The following RNF19B variants were observed in gnomAD, a reference collection of about 807,000 sequenced individuals.
RNF19B encodes E3 ubiquitin-protein ligase RNF19B.
In RNF19B, 23 loss-of-function variants were observed where a neutral mutation model predicts 65.5. The observed-to-expected ratio is 0.35, with a 90% CI of 0.25 to 0.50. RNF19B has a LOEUF of 0.50. RNF19B is among the 20% of genes least tolerant of loss of function. RNF19B has a pLI of 0.98. For synonymous variants in RNF19B, 372 were observed against 379.6 expected (o/e 0.98, Z 0.23); for missense variants, 794 against 980.0 (o/e 0.81, Z 2.53).
intron 7 of RNF19B, 67 bp from the exon 8 acceptor site, chr1:32,938,595 C>T: frequency 6.6e-7 from 1 of 1,508,632 alleles, no homozygotes; most frequent in Non-Finnish European, 9.1e-7. Context: ...TGCTTCCTGG[C>T]ACACATCTCT....
chr1:32,942,106 A>C, intron 7 of RNF19B, 146 bp downstream of exon 7: 1 of 753,052 alleles, frequency 1.3e-6, no homozygotes, highest in Non-Finnish European at 2.1e-6. Context: ...TTAAAAATAA[A>C]AAAGTAAAAA....
chr1:32,964,416 CGCCTCGGCCTCG>C lies in RNF19B; in HGVS notation c.258_269del (p.Glu89_Ala92del). 8.1e-7 allele frequency: 1 copy of C among 1,235,742 alleles called. No homozygotes were observed. 76.5% of individuals were successfully genotyped at this position (1,235,742 alleles called of 1,614,324 possible). On this transcript the variant is annotated inframe_deletion, in exon 1 of 9. Coordinates refer to ENST00000235150, the MANE Select transcript of RNF19B (RefSeq NM_001300826.2). This position sits in a 1 kb window ranked among gnomAD's most constrained non-coding sequence, Gnocchi z 6.5. Reference sequence around the variant, plus strand: ...GCTCCGCCGCCGCCGCCGCGGCCTCCGCCTCGGCCTCGGCGGCCGGCTCGGCGGGCAGCGCCT... The same window carrying C: ...GCTCCGCCGCCGCCGCCGCGGCCTCCGCGGCCGGCTCGGCGGGCAGCGCCT...
At position 32,942,756 on chromosome 1, in the gene RNF19B, C is replaced by T. The variant is rs141937441; in HGVS notation, c.1403-297G>A. On this transcript the variant is annotated intron_variant, in intron 6 of 8. Transcript: ENST00000235150. The stretch of plus-strand genomic sequence containing the variant: ...GATTCCAAGGCCACTATTCTTTCCA[C>T]TACACTGTTGCTTCCATGTAACCAA... Among the ~76,000 whole-genome samples, 916 of 152,330 alleles carry T rather than the reference C, an allele frequency of 6.0e-3. 6 individuals are homozygous for T. The highest frequency in any genetic ancestry group is 9.8e-3 in the Non-Finnish European group (669 of 68,036).
intron 4 of RNF19B, 46 bp downstream of exon 4, chr1:32,946,356 G>A (rs767545315): frequency 1.7e-5 from 27 of 1,572,412 alleles, no homozygotes; most frequent in Admixed American, 1.4e-4. Flanking sequence ...CTTTACTAAC[G>A]AACCTAAAGT....
chr1:32,962,087 G>A (rs1642783511), intron 1 of RNF19B, among the ~76,000 whole-genome samples: 1 of 151,966 alleles, frequency 6.6e-6, no homozygotes, highest in Non-Finnish European at 1.5e-5. Flanking sequence ...TTCTGCCTCA[G>A]CCTCCTGGGT....
intron 1 of RNF19B, among the ~76,000 whole-genome samples, chr1:32,959,471 A>T (rs1642719217): frequency 6.6e-6 from 1 of 152,198 alleles, no homozygotes; most frequent in Admixed American, 6.5e-5. Context: ...ACTTGGGCAG[A>T]GACTCAAAAG....
chr1:32,942,564 G>C lies in RNF19B; in HGVS notation c.1403-105C>G. The C allele has an allele frequency of 3.4e-6, 3 of 889,250 alleles. No individual in the cohort carries two copies. In the Admixed American group the frequency reaches 7.1e-5, roughly 21 times the overall value. The allele number at this position is 889,250 out of a possible 1,614,324, so 55.1% of individuals were successfully genotyped here. On this transcript the variant is annotated intron_variant, in intron 6 of 8. Transcript: ENST00000235150. ...CAGAGAACTAATGTATTTACTTAAT[G>C]AACAGGTACTGTGTGCAGTCGCCAC... is the stretch of plus-strand genomic sequence containing the variant.
intron 1 of RNF19B, among the ~76,000 whole-genome samples, chr1:32,960,131 AGT>A (rs752783700): frequency 4.3e-4 from 65 of 152,222 alleles, no homozygotes; most frequent in Non-Finnish European, 7.5e-4. Context: ...ACCATATTTG[AGT>A]GTAAGAGAAG....
rs1642870786 is a variant in RNF19B at position 32,964,775 on chromosome 1, G to GCCGCCACCA, written c.-99_-91dup. 2 of 1,195,936 alleles carry GCCGCCACCA rather than the reference G, an allele frequency of 1.7e-6. No individual in the cohort carries two copies. Among genetic ancestry groups the GCCGCCACCA allele is most frequent in the Middle Eastern group, 3.3e-4 (1 of 3,034 alleles). 74.1% of individuals were successfully genotyped at this position (1,195,936 alleles called of 1,614,324 possible). A position where few individuals can be genotyped will look rare whatever the true frequency, so the allele number is the denominator to read the frequency against. The stretch of plus-strand genomic sequence containing the variant: ...CAGCCAGCGCCCGGCCGCCGCCGAC[G>GCCGCCACCA]CCGCCACCACCGCCTCAACCGCCCT... On this transcript the variant is annotated 5_prime_UTR_variant, in exon 1 of 9. Coordinates refer to ENST00000235150, the MANE Select transcript of RNF19B (RefSeq NM_001300826.2). This position sits in a 1 kb window ranked among gnomAD's most constrained non-coding sequence, Gnocchi z 6.5.
chr1:32,932,023 T>C (rs1261024794), downstream of RNF19B, among the ~76,000 whole-genome samples: 1 of 152,230 alleles, frequency 6.6e-6, no homozygotes, highest in Non-Finnish European at 1.5e-5. Flanking sequence ...AACCAAATAC[T>C]ATATTAGCCA....
intron 3 of RNF19B, among the ~76,000 whole-genome samples, chr1:32,947,637 C>G (rs1303566508): frequency 1.4e-5 from 2 of 144,514 alleles, no homozygotes; most frequent in African/African-American, 2.6e-5. Context: ...CCAGCCTGGG[C>G]GACAGAGAGA....
At chr1:32,959,441 C>T (rs773732572) in intron 1 of RNF19B, among the ~76,000 whole-genome samples, 12 of 152,098 alleles carry the variant, frequency 7.9e-5, no homozygotes, top group Admixed American at 5.9e-4. Context: ...TACCTGACTT[C>T]GGGGTTTCTG....
chr1:32,953,139 TA>T (rs1339737184), intron 1 of RNF19B, among the ~76,000 whole-genome samples: 1 of 151,520 alleles, frequency 6.6e-6, no homozygotes, highest in Non-Finnish European at 1.5e-5. Flanking sequence ...TTTTTCTTTT[TA>T]TTTTTTTTTT....
At chr1:32,955,338 C>G (rs1642609589) in intron 1 of RNF19B, among the ~76,000 whole-genome samples, 1 of 151,942 alleles carries the variant, frequency 6.6e-6, no homozygotes, top group South Asian at 2.1e-4. Context: ...TATTATATGC[C>G]AGGTACTATA....
intron 1 of RNF19B, among the ~76,000 whole-genome samples, chr1:32,957,348 T>C (rs1033750661): frequency 1.3e-5 from 2 of 152,216 alleles, no homozygotes; most frequent in African/African-American, 4.8e-5. Flanking sequence ...ATTCTATTGT[T>C]CTTTCATCTA....
At chr1:32,930,830 G>GT in the RNF19B span, among the ~76,000 whole-genome samples, 36 of 152,214 alleles carry the variant, frequency 2.4e-4, no homozygotes, top group Admixed American at 3.3e-4. Flanking sequence ...GCTCACGCCT[G>GT]TAATCCCAGC....
chr1:32,961,650 A>AT (rs1642773030), intron 1 of RNF19B, among the ~76,000 whole-genome samples: 1 of 152,150 alleles, frequency 6.6e-6, no homozygotes, highest in Admixed American at 6.5e-5. Flanking sequence ...TACATTGTTT[A>AT]TATATATAAC....
At chr1:32,961,873 G>C (rs184577527) in intron 1 of RNF19B, among the ~76,000 whole-genome samples, 45 of 152,036 alleles carry the variant, frequency 3.0e-4, no homozygotes, top group Non-Finnish European at 5.4e-4. Flanking sequence ...AAACAAACAG[G>C]GACCTTTTCC....
In RNF19B at chr1:32,942,395, A is replaced by C. The variant is rs1642257548; in HGVS notation, c.1467T>G (p.Thr489=). Residue 489 remains threonine (T), a synonymous_variant, in exon 7 of 9, where the codon ACT becomes ACG. Transcript: ENST00000235150. ...GGCTTCCACTAGTGCTCAATACACTAGTCAGGCCTTCAATGCTGCTTTCCC... is the reference window on the plus strand; with the variant it reads ...GGCTTCCACTAGTGCTCAATACACTCGTCAGGCCTTCAATGCTGCTTTCCC... ...SIGESSIEGL[T]SVLSTSGSPT... 2.5e-6 allele frequency: 4 copies of C among 1,614,200 alleles called. No homozygotes were observed. The East Asian group carries it at 8.9e-5, about 36-fold the overall frequency.
Sources: allele counts gnomAD v4.1 joint callset (sites outside exome capture counted in the v4.1 genomes callset), GRCh38; gene constraint gnomAD v4.1.1; non-coding constraint Gnocchi (gnomAD v3.1); transcripts MANE v1.5; gene names NCBI Gene and HGNC (gene_info 2026-07-23, HGNC 2026-07-21).